The following KCNMA1 variants were observed in gnomAD, a reference collection of about 807,000 sequenced individuals.
KCNMA1 encodes the protein potassium calcium-activated channel subfamily M alpha 1, also known as Calcium-activated potassium channel subunit alpha-1.
A neutral mutation model predicts 140.0 loss-of-function variants in KCNMA1; 29 were observed. The observed-to-expected ratio is 0.21, with a 90% confidence interval of 0.15 to 0.28. The LOEUF (loss-of-function observed/expected upper bound fraction) is 0.28, where lower values mean the gene tolerates loss of function less well. Ranked by LOEUF, KCNMA1 falls within the 10% of genes least tolerant of loss-of-function variation. The pLI, the probability that KCNMA1 is intolerant of heterozygous loss-of-function variation, is 1.00. For missense variants in KCNMA1, 880 were observed against 1,602.2 expected (o/e 0.55, Z 7.70); for synonymous variants, 612 against 611.9 (o/e 1.00, Z 0.00).
At chr10:77,025,252 A>ATATATATG in intron 16 of KCNMA1, among the ~76,000 whole-genome samples, 1 of 83,698 alleles carries the variant, frequency 1.2e-5, no homozygotes, top group African/African-American at 5.3e-5. Flanking sequence ...GTATATATAT[A>ATATATATG]TATATATATA....
At chr10:76,978,178 G>A (rs1022026464) in intron 19 of KCNMA1, among the ~76,000 whole-genome samples, 1 of 152,166 alleles carries the variant, frequency 6.6e-6, no homozygotes, top group Non-Finnish European at 1.5e-5. Flanking sequence ...TGATCCAGAC[G>A]GCTGCTGTCT....
At chr10:77,331,728 T>G (rs1184733509) in intron 2 of KCNMA1, among the ~76,000 whole-genome samples, 2 of 151,620 alleles carry the variant, frequency 1.3e-5, no homozygotes, top group Non-Finnish European at 2.9e-5. Context: ...GATGTGAAGA[T>G]CCCTTGAGTC....
chr10:76,984,992 A>G, intron 19 of KCNMA1, among the ~76,000 whole-genome samples: 1 of 152,192 alleles, frequency 6.6e-6, no homozygotes, highest in South Asian at 2.1e-4. Context: ...TTTCTAGAAA[A>G]GCAGCGCCAC....
chr10:77,371,435 T>C (rs1447803958), intron 2 of KCNMA1, among the ~76,000 whole-genome samples: 1 of 152,200 alleles, frequency 6.6e-6, no homozygotes, highest in African/African-American at 2.4e-5. Flanking sequence ...CCAGGCCCCA[T>C]GCATGGGTCA....
At chr10:77,160,810 T>G (rs2098546091) in intron 5 of KCNMA1, among the ~76,000 whole-genome samples, 2 of 152,238 alleles carry the variant, frequency 1.3e-5, no homozygotes. Context: ...AGGCCCTGGT[T>G]TTGTTAGTCA....
intron 15 of KCNMA1, among the ~76,000 whole-genome samples, chr10:77,032,313 C>G (rs570911627): frequency 6.6e-6 from 1 of 152,288 alleles, no homozygotes; most frequent in Non-Finnish European, 1.5e-5. Flanking sequence ...CATTAGCCAT[C>G]TAATCCTTAT....
intron 3 of KCNMA1, among the ~76,000 whole-genome samples, chr10:77,190,998 C>T (rs1318559743): frequency 1.3e-5 from 2 of 152,126 alleles, no homozygotes; most frequent in African/African-American, 4.8e-5. Context: ...ATAAGCTTTG[C>T]ATCCCATTTG....
chr10:77,295,552 C>A (rs371575312), intron 2 of KCNMA1, among the ~76,000 whole-genome samples: 2 of 151,496 alleles, frequency 1.3e-5, no homozygotes, highest in Non-Finnish European at 2.9e-5. Flanking sequence ...GAGGCCGAGG[C>A]GGGTGGATCA....
chr10:76,888,551 C>T (rs186597735), intron 27 of KCNMA1, among the ~76,000 whole-genome samples: 1 of 152,252 alleles, frequency 6.6e-6, no homozygotes, highest in African/African-American at 2.4e-5. Context: ...TGCAAACTCA[C>T]TGATCTTGGT....
Position 77,453,544 on chromosome 10 carries a change from G to A in KCNMA1, c.379-49521C>T, listed in dbSNP as rs541815708. 9.2e-5 allele frequency among the ~76,000 whole-genome samples: 14 copies of A among 152,204 alleles called. 1 individual carries two copies. In the South Asian group the frequency reaches 2.3e-3, roughly 25 times the overall value. ...CAGCAATCCCTGAGAGAGGAGAAAC[G>A]AAGTGAGCCCTACAGTTGCCTCAAC... On this transcript the variant is annotated intron_variant, in intron 1 of 27. Transcript: ENST00000286628.
At chr10:77,032,364 T>C (rs988281619) in intron 15 of KCNMA1, among the ~76,000 whole-genome samples, 19 of 152,164 alleles carry the variant, frequency 1.2e-4, no homozygotes, top group African/African-American at 4.3e-4. Context: ...TTTCAACATA[T>C]ACAGAATTGG....
chr10:77,493,446 G>A (rs1359030961), intron 1 of KCNMA1, among the ~76,000 whole-genome samples: 2 of 152,268 alleles, frequency 1.3e-5, no homozygotes, highest in Non-Finnish European at 2.9e-5. Context: ...TAGAAGAGAA[G>A]TCCAGAACTG....
At chr10:77,519,673 A>G (rs928124569) in intron 1 of KCNMA1, among the ~76,000 whole-genome samples, 2 of 152,234 alleles carry the variant, frequency 1.3e-5, no homozygotes, top group African/African-American at 4.8e-5. Context: ...AACAAGAACA[A>G]TAAATAACAT....
chr10:77,128,503 GT>G (rs1307309163), intron 5 of KCNMA1, among the ~76,000 whole-genome samples: 3 of 147,342 alleles, frequency 2.0e-5, no homozygotes, highest in Non-Finnish European at 4.5e-5. Context: ...TTTTAGAATT[GT>G]TGACACCTGG....
chr10:77,008,983 T>G (rs1437700051), intron 18 of KCNMA1, among the ~76,000 whole-genome samples: 1 of 152,228 alleles, frequency 6.6e-6, no homozygotes. Flanking sequence ...ATTCATTTTA[T>G]TCTAACCACC....
At chr10:77,162,532 T>A (rs1262464594) in intron 5 of KCNMA1, among the ~76,000 whole-genome samples, 1 of 152,160 alleles carries the variant, frequency 6.6e-6, no homozygotes, top group Non-Finnish European at 1.5e-5. Context: ...CTGACTACAA[T>A]CCAGAGATAA....
chr10:77,134,708 G>C (rs921312855), intron 5 of KCNMA1, among the ~76,000 whole-genome samples: 1 of 152,110 alleles, frequency 6.6e-6, no homozygotes, highest in Non-Finnish European at 1.5e-5. Context: ...AATCAACCGA[G>C]TGAAGAGAGG....
At chr10:77,241,583 G>C (rs545201174) in intron 3 of KCNMA1, among the ~76,000 whole-genome samples, 10 of 152,198 alleles carry the variant, frequency 6.6e-5, no homozygotes, top group African/African-American at 2.4e-4. Flanking sequence ...TGGAGGCAGA[G>C]GTTGTTGTGA....
At chr10:77,362,080 C>T (rs2093994867) in intron 2 of KCNMA1, among the ~76,000 whole-genome samples, 2 of 152,166 alleles carry the variant, frequency 1.3e-5, no homozygotes, top group South Asian at 4.2e-4. Context: ...GCTGCCTCTC[C>T]TGCGCTGTGT....
Sources: allele counts gnomAD v4.1 joint callset (sites outside exome capture counted in the v4.1 genomes callset), GRCh38; gene constraint gnomAD v4.1.1; transcripts MANE v1.5; gene names NCBI Gene and HGNC (gene_info 2026-07-23, HGNC 2026-07-21).